Variants in GRID2 observed in about 807,000 individuals in gnomAD.
GRID2 encodes the protein glutamate ionotropic receptor delta type subunit 2.
A neutral mutation model predicts 114.8 loss-of-function variants in GRID2; 33 were observed. That is an observed-to-expected ratio of 0.29 (90% CI 0.22 to 0.38). GRID2 has a LOEUF of 0.38. Among genes scored for constraint, GRID2 ranks in the 10% least tolerant of loss-of-function variants. The pLI, the probability that GRID2 is intolerant of heterozygous loss-of-function variation, is 1.00. For missense variants in GRID2, 1,184 were observed against 1,257.7 expected (o/e 0.94, Z 0.89); for synonymous variants, 505 against 449.9 (o/e 1.12, Z -1.55).
intron 1 of GRID2, among the ~76,000 whole-genome samples, chr4:92,511,969 T>G (rs1460125179): frequency 1.3e-5 from 2 of 151,686 alleles, no homozygotes; most frequent in Non-Finnish European, 2.9e-5. Context: ...AATACCTCAG[T>G]CTCCCATCCC....
At chr4:92,885,902 C>G (rs528192500) in intron 2 of GRID2, among the ~76,000 whole-genome samples, 4 of 152,132 alleles carry the variant, frequency 2.6e-5, no homozygotes, top group African/African-American at 9.7e-5. Flanking sequence ...AAGTAGGAAC[C>G]AACTGTGTTA....
intron 1 of GRID2, among the ~76,000 whole-genome samples, chr4:92,490,818 C>T (rs1723112674): frequency 6.6e-6 from 1 of 152,030 alleles, no homozygotes; most frequent in Non-Finnish European, 1.5e-5. Context: ...CAATGTTAAC[C>T]TTTAAGAAAA....
chr4:92,609,474 A>T (rs959402661), intron 2 of GRID2, among the ~76,000 whole-genome samples: 13 of 151,530 alleles, frequency 8.6e-5, no homozygotes, highest in African/African-American at 3.1e-4. Flanking sequence ...AATCATGATG[A>T]TGGTGAGGTG....
intron 8 of GRID2, among the ~76,000 whole-genome samples, chr4:93,376,119 T>G (rs1363001726): frequency 6.6e-6 from 1 of 152,158 alleles, no homozygotes; most frequent in Admixed American, 6.5e-5. Flanking sequence ...TTAACCATAA[T>G]TATCTTCTTT....
chr4:92,530,393 A>G (rs181931095), intron 1 of GRID2, among the ~76,000 whole-genome samples: 387 of 151,890 alleles, frequency 2.5e-3, no homozygotes, highest in Admixed American at 9.2e-3. Context: ...CTATTCTTCT[A>G]TTAAAAATCA....
At chr4:93,673,508 T>C (rs1390495637) in intron 14 of GRID2, among the ~76,000 whole-genome samples, 1 of 152,312 alleles carries the variant, frequency 6.6e-6, no homozygotes, top group African/African-American at 2.4e-5. Flanking sequence ...ATCATGACAA[T>C]CTTACATGTT....
At chr4:92,562,202 A>G (rs1727132135) in intron 1 of GRID2, among the ~76,000 whole-genome samples, 1 of 152,178 alleles carries the variant, frequency 6.6e-6, no homozygotes, top group African/African-American at 2.4e-5. Flanking sequence ...ATCTCCTTGA[A>G]AAGAACAAGT....
chr4:93,697,923 T>C (rs1227777738), intron 14 of GRID2, among the ~76,000 whole-genome samples: 3 of 139,568 alleles, frequency 2.1e-5, no homozygotes, highest in African/African-American at 5.3e-5. Flanking sequence ...TGTCCATTTT[T>C]TTAAAAAAGA....
At chr4:92,983,492 A>G (rs999006291) in intron 2 of GRID2, among the ~76,000 whole-genome samples, 3 of 151,818 alleles carry the variant, frequency 2.0e-5, no homozygotes, top group African/African-American at 7.2e-5. Context: ...CAGTAATCTC[A>G]TGATGCATTT....
Position 92,304,616 on chromosome 4 carries a change from G to T in GRID2, c.-41G>T. The T allele has an allele frequency of 4.4e-6, 6 of 1,353,766 alleles. No individual in the cohort carries two copies. The highest frequency in any genetic ancestry group is 1.4e-5 in the African/African-American group (1 of 69,824). The allele number at this position is 1,353,766 out of a possible 1,614,324, so 83.9% of individuals were successfully genotyped here. ...TGGACTGTTTGAAAAAAAAAAAATT[G>T]GAAGAAAATCCATCCTCCAAGAGAA... On this transcript the variant is annotated 5_prime_UTR_variant, in exon 1 of 16. Coordinates refer to ENST00000282020, the MANE Select transcript of GRID2 (RefSeq NM_001510.4).
At chr4:92,591,061 C>A (rs1579641000) in intron 2 of GRID2, among the ~76,000 whole-genome samples, 2 of 152,150 alleles carry the variant, frequency 1.3e-5, no homozygotes, top group South Asian at 4.2e-4. Flanking sequence ...GTTTGTGTCC[C>A]CTCCTACCCC....
intron 2 of GRID2, among the ~76,000 whole-genome samples, chr4:92,622,879 T>C (rs555501832): frequency 6.6e-6 from 1 of 151,884 alleles, no homozygotes; most frequent in South Asian, 2.1e-4. Flanking sequence ...GATTGGAAAG[T>C]CTATGTGAAT....
At chr4:92,769,893 C>T (rs960814984) in intron 2 of GRID2, among the ~76,000 whole-genome samples, 1 of 152,194 alleles carries the variant, frequency 6.6e-6, no homozygotes, top group Admixed American at 6.5e-5. Context: ...CTCTGACAGG[C>T]CCTGGAGACA....
intron 8 of GRID2, among the ~76,000 whole-genome samples, chr4:93,366,569 C>T (rs1026560372): frequency 3.9e-5 from 6 of 151,976 alleles, no homozygotes; most frequent in African/African-American, 9.7e-5. Context: ...GCCCTGCCTC[C>T]GCTTGCCTTG....
chr4:93,434,997 G>A (rs1297270425), intron 10 of GRID2, among the ~76,000 whole-genome samples: 3 of 151,866 alleles, frequency 2.0e-5, no homozygotes, highest in East Asian at 3.9e-4. Context: ...GCTTATTAGA[G>A]AGGACTGCCA....
At chr4:93,415,673 T>C (rs1417056884) in intron 9 of GRID2, among the ~76,000 whole-genome samples, 1 of 152,054 alleles carries the variant, frequency 6.6e-6, no homozygotes, top group Non-Finnish European at 1.5e-5. Context: ...AATTGTCTTG[T>C]CCACTCTCCA....
chr4:93,573,356 G>C (rs557625928), intron 13 of GRID2, among the ~76,000 whole-genome samples: 3 of 152,130 alleles, frequency 2.0e-5, no homozygotes, highest in Non-Finnish European at 4.4e-5. Context: ...TCCATCATGT[G>C]TCTGGCACAG....
chr4:93,010,391 C>T (rs1012941250), intron 2 of GRID2, among the ~76,000 whole-genome samples: 5 of 151,700 alleles, frequency 3.3e-5, no homozygotes, highest in Non-Finnish European at 5.9e-5. Context: ...TTAGGAAAAC[C>T]GTTTGCTTAC....
intron 14 of GRID2, among the ~76,000 whole-genome samples, chr4:93,688,621 CATT>C (rs1726279353): frequency 6.6e-6 from 1 of 151,946 alleles, no homozygotes; most frequent in Non-Finnish European, 1.5e-5. Flanking sequence ...CATAGAAAGA[CATT>C]ATATTTCTTC....
Sources: allele counts gnomAD v4.1 joint callset (sites outside exome capture counted in the v4.1 genomes callset), GRCh38; gene constraint gnomAD v4.1.1; transcripts MANE v1.5; gene names NCBI Gene and HGNC (gene_info 2026-07-23, HGNC 2026-07-21).